Variants in DENND3 observed in about 807,000 individuals in gnomAD.
DENND3 encodes DENN domain containing 3, also known as DENN domain-containing protein 3.
Under a neutral mutation model 135.1 loss-of-function variants are expected in DENND3, and 88 were observed. That is an observed-to-expected ratio of 0.65 (90% CI 0.55 to 0.78). The LOEUF (loss-of-function observed/expected upper bound fraction) is 0.78, where lower values mean the gene tolerates loss of function less well. Among genes scored for constraint, DENND3 ranks in the 30% least tolerant of loss-of-function variants. The pLI, the probability that DENND3 is intolerant of heterozygous loss-of-function variation, is 0.00. For synonymous variants in DENND3, 693 were observed against 712.3 expected (o/e 0.97, Z 0.43); for missense variants, 1,392 against 1,688.4 (o/e 0.82, Z 3.08).
chr8:141,137,438 T>G lies in DENND3; in HGVS notation c.386-584T>G, dbSNP rs994504366. Among the ~76,000 whole-genome samples, 1 of 152,184 alleles carries G rather than the reference T, an allele frequency of 6.6e-6. No homozygotes were observed. Among genetic ancestry groups the G allele is most frequent in the South Asian group, 2.1e-4 (1 of 4,834 alleles). On this transcript the variant is annotated intron_variant, in intron 2 of 22. Transcript: ENST00000519811. This position sits in a 1 kb window ranked among gnomAD's most constrained non-coding sequence, Gnocchi z 4.1. Reference sequence around the variant, plus strand: ...TTTTCCCCTTTGACTTAAAATGAAGTCTTGCAGTGGTTGGCAGATGGATTA... The same window carrying G: ...TTTTCCCCTTTGACTTAAAATGAAGGCTTGCAGTGGTTGGCAGATGGATTA...
At position 141,192,428 on chromosome 8, in the gene DENND3, G is replaced by A; in HGVS notation, c.3477G>A (p.Leu1159=). ...ENFKDTSTSF[L]AFQLLPEEEQ... is the part of the protein sequence containing the mutation. ...TCAAAGACACCAGTACCTCCTTCCT[G>A]GCCTTCCAGCTCCTTCCTGAGGTAT... is the stretch of plus-strand genomic sequence containing the variant. The change falls in exon 21 of 23, where the codon CTG becomes CTA. Residue 1159 remains leucine, a synonymous_variant. Coordinates refer to ENST00000519811, the MANE Select transcript of DENND3 (RefSeq NM_001352890.3). 2 of 1,614,220 alleles carry A rather than the reference G, an allele frequency of 1.2e-6. No individual in the cohort carries two copies. The highest frequency in any genetic ancestry group is 1.7e-6 in the Non-Finnish European group (2 of 1,180,032).
At position 141,146,924 on chromosome 8, in the gene DENND3, G is replaced by A. The variant is rs1361572321; in HGVS notation, c.735+2665G>A. ...TGAGGGCCTGTGAGATCCGTGAACA[G>A]AGCCAGACCTCTGACTTGAGAGCAG... On this transcript the variant is annotated intron_variant, in intron 5 of 22. Transcript: ENST00000519811. This position sits in a 1 kb window ranked among gnomAD's most constrained non-coding sequence, Gnocchi z 4.3. Among the ~76,000 whole-genome samples the A allele has an allele frequency of 1.3e-5, 2 of 152,230 alleles. No individual in the cohort carries two copies. Among genetic ancestry groups the A allele is most frequent in the South Asian group, 4.1e-4 (2 of 4,838 alleles).
At chr8:141,134,896 T>G (rs930181871) in intron 1 of DENND3, among the ~76,000 whole-genome samples, 3 of 151,510 alleles carry the variant, frequency 2.0e-5, no homozygotes, top group African/African-American at 7.3e-5. Flanking sequence ...AGTGGTGAGA[T>G]CTCGGCTCAC....
At chr8:141,159,473 T>G (rs1053542074) in intron 8 of DENND3, among the ~76,000 whole-genome samples, 1 of 152,252 alleles carries the variant, frequency 6.6e-6, no homozygotes, top group African/African-American at 2.4e-5. Context: ...CTCTGCCCGC[T>G]CAGTCTGACT....
intron 18 of DENND3, 81 bp from the exon 19 acceptor site, chr8:141,188,905 C>A: frequency 6.6e-7 from 1 of 1,517,424 alleles, no homozygotes. Context: ...GCTAATTCAG[C>A]ACGTGCAGTA....
intron 17 of DENND3, chr8:141,184,591 A>G (rs1459966188): frequency 6.6e-6 from 1 of 152,472 alleles, no homozygotes; most frequent in African/African-American, 2.4e-5. Flanking sequence ...CAGGCTCATT[A>G]GCAATTAGAG....
chr8:141,177,275 C>G (rs1046469806), intron 15 of DENND3: 2 of 155,066 alleles, frequency 1.3e-5, no homozygotes, highest in Non-Finnish European at 2.9e-5. Context: ...TATCAAATGA[C>G]AATTGCATAG....
intron 14 of DENND3, chr8:141,176,287 C>CAAAA: frequency 6.7e-6 from 1 of 150,356 alleles, no homozygotes. Context: ...AAAAACAAAA[C>CAAAA]AAAAAAAAAA....
At chr8:141,185,044 G>A (rs2154613472) in intron 17 of DENND3, 95 bp from the exon 18 acceptor site, 2 of 1,486,194 alleles carry the variant, frequency 1.3e-6, no homozygotes, top group South Asian at 1.3e-5. Context: ...TGGCGCTTAG[G>A]AGGGCCCAGG....
Position 141,151,621 on chromosome 8 carries a change from C to G in DENND3, c.858C>G (p.Ile286Met). The G allele has an allele frequency of 6.2e-7, 1 of 1,613,818 alleles. No individual in the cohort carries two copies. Among genetic ancestry groups the G allele is most frequent in the Non-Finnish European group, 8.5e-7 (1 of 1,179,916 alleles). ...AGTGCGGCGGGTTCTCCCCTCAGAT[C>G]CTGACATGCATCCTGACGGAACAGC... ...LCFRPEKVLQ[I>M]LTCILTEQRI... The change falls in exon 7 of 23, where the codon ATC (isoleucine) becomes ATG (methionine). Residue 286 changes from isoleucine (I) to methionine (M), a missense_variant and splice_region_variant. Coordinates refer to ENST00000519811, the MANE Select transcript of DENND3 (RefSeq NM_001352890.3).
Position 141,138,419 on chromosome 8 carries a change from T to A in DENND3, c.501+282T>A, listed in dbSNP as rs750411774. 1.1e-4 allele frequency among the ~76,000 whole-genome samples: 17 copies of A among 151,946 alleles called. No individual in the cohort carries two copies. The highest frequency in any genetic ancestry group is 2.6e-4 in the Admixed American group (4 of 15,256). ...TTTTTTTATTGAGATGGAGTCTTGC[T>A]CTGTCATCCAGGCTGGAGTGCAGTG... On this transcript the variant is annotated intron_variant, in intron 3 of 22. Coordinates refer to ENST00000519811, the MANE Select transcript of DENND3 (RefSeq NM_001352890.3). This position sits in a 1 kb window ranked among gnomAD's most constrained non-coding sequence, Gnocchi z 4.8.
chr8:141,186,920 G>A (rs1318789691), intron 18 of DENND3, among the ~76,000 whole-genome samples: 1 of 152,194 alleles, frequency 6.6e-6, no homozygotes, highest in Non-Finnish European at 1.5e-5. Context: ...CCTGTCGCCC[G>A]AGAGGCCGCT....
chr8:141,188,123 G>T (rs1016773251), intron 18 of DENND3, among the ~76,000 whole-genome samples: 1 of 143,858 alleles, frequency 7.0e-6, no homozygotes, highest in South Asian at 2.2e-4. Context: ...CTACTCGGGG[G>T]TCTGAAGCGG....
chr8:141,132,978 TC>T (rs1816311766), intron 1 of DENND3, among the ~76,000 whole-genome samples: 1 of 152,104 alleles, frequency 6.6e-6, no homozygotes, highest in African/African-American at 2.4e-5. Flanking sequence ...TACAACACAA[TC>T]TCTGCTCCAC....
At chr8:141,134,073 G>A (rs565640291) in intron 1 of DENND3, among the ~76,000 whole-genome samples, 3 of 152,188 alleles carry the variant, frequency 2.0e-5, no homozygotes, top group Admixed American at 6.5e-5. Flanking sequence ...AACCAGAAGG[G>A]AGGCGAGATC....
At position 141,144,862 on chromosome 8, in the gene DENND3, G is replaced by A. The variant is rs1467110101; in HGVS notation, c.735+603G>A. On this transcript the variant is annotated intron_variant, in intron 5 of 22. Transcript: ENST00000519811. This position sits in a 1 kb window ranked among gnomAD's most constrained non-coding sequence, Gnocchi z 4.4. ...ACAAACCATAAGAGCTCCTTAAACA[G>A]GTATAATGTAGCTTACTTTCCAACC... Among the ~76,000 whole-genome samples, 1 of 152,158 alleles carries A rather than the reference G, an allele frequency of 6.6e-6. No individual in the cohort carries two copies. Among genetic ancestry groups the A allele is most frequent in the Non-Finnish European group, 1.5e-5 (1 of 68,026 alleles).
chr8:141,165,964 G>T (rs1285045060), intron 11 of DENND3, among the ~76,000 whole-genome samples: 1 of 152,008 alleles, frequency 6.6e-6, no homozygotes, highest in East Asian at 1.9e-4. Context: ...GTCTGCTGCA[G>T]TCAGGGCCCC....
rs750364990 is a variant in DENND3 at position 141,138,060 on chromosome 8, G to A, written c.424G>A (p.Val142Ile). The A allele has an allele frequency of 6.2e-6, 10 of 1,609,032 alleles. No homozygotes were observed. The highest frequency in any genetic ancestry group is 2.2e-5 in the East Asian group (1 of 44,820). Reference sequence around the variant, plus strand: ...GGCCACTGAACCTAAGGAGGATTGCGTCCACTTCCTGGTGCTGACCGATGT... The same window carrying A: ...GGCCACTGAACCTAAGGAGGATTGCATCCACTTCCTGGTGCTGACCGATGT... ...CVATEPKEDC[V>I]HFLVLTDVCG... is the part of the protein sequence containing the mutation. Residue 142 changes from valine to isoleucine, a missense_variant, in exon 3 of 23, where the codon GTC becomes ATC. Val to Ile is a conservative substitution (Grantham distance 29). Coordinates refer to ENST00000519811, the MANE Select transcript of DENND3 (RefSeq NM_001352890.3). This position sits in a 1 kb window ranked among gnomAD's most constrained non-coding sequence, Gnocchi z 4.8.
rs1249466091 is a variant in DENND3, at chr8:141,144,744, C to T, written c.735+485C>T. Among the ~76,000 whole-genome samples the T allele has an allele frequency of 6.6e-6, 1 of 152,066 alleles. No homozygotes were observed. The highest frequency in any genetic ancestry group is 1.9e-4 in the East Asian group (1 of 5,188). ...CCAGCATTAGGTTAAAATGGAGATC[C>T]TAAGACCGACAGAACAGACTCTCTG... is the stretch of plus-strand genomic sequence containing the variant. On this transcript the variant is annotated intron_variant, in intron 5 of 22. Coordinates refer to ENST00000519811, the MANE Select transcript of DENND3 (RefSeq NM_001352890.3). This position sits in a 1 kb window ranked among gnomAD's most constrained non-coding sequence, Gnocchi z 4.4.
Sources: allele counts gnomAD v4.1 joint callset (sites outside exome capture counted in the v4.1 genomes callset), GRCh38; gene constraint gnomAD v4.1.1; non-coding constraint Gnocchi (gnomAD v3.1); transcripts MANE v1.5; gene names NCBI Gene and HGNC (gene_info 2026-07-23, HGNC 2026-07-21).